Variants in BCL7A observed in about 807,000 individuals in gnomAD.
BCL7A encodes the protein B-cell CLL/lymphoma 7 protein family member A.
A neutral mutation model predicts 28.4 loss-of-function variants in BCL7A; 11 were observed. The ratio of observed to expected loss-of-function variants is 0.39; its 90% CI spans 0.24 to 0.64. BCL7A has a LOEUF of 0.64. Ranked by LOEUF, BCL7A falls within the 30% of genes least tolerant of loss-of-function variation. The pLI is 0.50. For synonymous variants in BCL7A, 123 were observed against 103.3 expected, an observed-to-expected ratio of 1.19 and a Z score of -1.15; for missense variants, 222 against 274.8, an observed-to-expected ratio of 0.81 and a Z score of 1.36.
intron 4 of BCL7A, among the ~76,000 whole-genome samples, chr12:122,048,885 G>A (rs1223576185): frequency 6.6e-6 from 1 of 151,722 alleles, no homozygotes; most frequent in Non-Finnish European, 1.5e-5. Context: ...GCTGGGTGTG[G>A]TGGCGAGCAC....
Position 122,061,818 on chromosome 12 carries a change from T to C in BCL7A, c.*2655T>C, listed in dbSNP as rs1951925929. The stretch of plus-strand genomic sequence containing the variant: ...TTCCTCTAGGGTGGTGACCTCCCAT[T>C]AGCAAACGGTGTCATGGTTTGGAAT... On this transcript the variant is annotated 3_prime_UTR_variant, in exon 6 of 6. Coordinates refer to ENST00000261822, the MANE Select transcript of BCL7A (RefSeq NM_001024808.3). 4.4e-6 allele frequency: 1 copy of C among 227,166 alleles called. No individual in the cohort carries two copies. The highest frequency in any genetic ancestry group is 8.8e-6 in the Non-Finnish European group (1 of 113,960). 14.1% of individuals were successfully genotyped at this position (227,166 alleles called of 1,614,324 possible).
intron 1 of BCL7A, among the ~76,000 whole-genome samples, chr12:122,022,489 C>T (rs1883486990): frequency 6.9e-6 from 1 of 144,870 alleles, no homozygotes; most frequent in Non-Finnish European, 1.5e-5. Flanking sequence ...CCGCGGCGCT[C>T]GGCTCCCGGG....
rs1272982147 is a variant in BCL7A, at chr12:122,022,029, G to A, written c.-63G>A. The A allele has an allele frequency of 9.7e-6, 14 of 1,441,914 alleles. No homozygotes were observed. The African/African-American group carries it at 1.3e-4, about 14-fold the overall frequency. 89.3% of individuals were successfully genotyped at this position (1,441,914 alleles called of 1,614,324 possible). On this transcript the variant is annotated 5_prime_UTR_variant, in exon 1 of 6. Coordinates refer to ENST00000261822, the MANE Select transcript of BCL7A (RefSeq NM_001024808.3). The stretch of plus-strand genomic sequence containing the variant: ...GCGGCGGGCGGGCGCGAGTGTGGCC[G>A]CCGCGGAGCGCGAGCAGGACCCGGC...
chr12:122,037,183 C>T (rs140570210), intron 3 of BCL7A, among the ~76,000 whole-genome samples: 2 of 152,320 alleles, frequency 1.3e-5, no homozygotes, highest in East Asian at 1.9e-4. Context: ...TGTGGCGCCT[C>T]CAGGCCCACC....
intron 3 of BCL7A, among the ~76,000 whole-genome samples, chr12:122,040,518 T>G: frequency 1.5e-5 from 2 of 132,000 alleles, no homozygotes; most frequent in African/African-American, 2.9e-5. Flanking sequence ...GGCAAGAGAG[T>G]GAGGCCGTGT....
At chr12:122,052,867 TCGGG>T (rs796318869) in intron 4 of BCL7A, among the ~76,000 whole-genome samples, 4,416 of 66,970 alleles carry the variant, frequency 0.066, 342 homozygotes, top group African/African-American at 0.16. Flanking sequence ...ATTTTTTTAG[TCGGG>T]GGGGGGGGGG....
intron 4 of BCL7A, among the ~76,000 whole-genome samples, chr12:122,050,108 C>T (rs1976859): frequency 0.51 from 77,186 of 152,028 alleles, 20,054 homozygotes; most frequent in African/African-American, 0.62. Context: ...TCACGAGTAG[C>T]TGGGACTACA....
At chr12:122,025,312 T>G (rs1883596857) in intron 1 of BCL7A, among the ~76,000 whole-genome samples, 1 of 148,078 alleles carries the variant, frequency 6.8e-6, no homozygotes, top group African/African-American at 2.5e-5. Flanking sequence ...AGCCTGGGTC[T>G]CAAACCAAAA....
At chr12:122,031,532 T>A (rs1883745369) in intron 2 of BCL7A, among the ~76,000 whole-genome samples, 1 of 152,224 alleles carries the variant, frequency 6.6e-6, no homozygotes, top group Non-Finnish European at 1.5e-5. Context: ...GGAGTTGATC[T>A]TTTTAACCTC....
intron 3 of BCL7A, among the ~76,000 whole-genome samples, chr12:122,039,152 C>G (rs1883916325): frequency 6.6e-6 from 1 of 151,566 alleles, no homozygotes; most frequent in Non-Finnish European, 1.5e-5. Flanking sequence ...AAAAAATTAG[C>G]CAGGCGTGGT....
rs1189437658 is a variant in BCL7A, at chr12:122,044,067, G to A, written c.439+14G>A. 1 of 1,605,490 alleles carries A rather than the reference G, an allele frequency of 6.2e-7. No individual in the cohort carries two copies. On this transcript the variant is annotated intron_variant, in intron 4 of 5. Coordinates refer to ENST00000261822, the MANE Select transcript of BCL7A (RefSeq NM_001024808.3). ...CAGGAGCTGAAGGTATGTGGCCTCT[G>A]GAGGTGGGGCTCTGACGGCCTCCCT...
In BCL7A at chr12:122,021,944, GT is replaced by G; in HGVS notation, c.-147del. ...TGTGTGTGTGTATGTGTGTGTGTGTGTGTGTGTGTGTGTGAGTGTGTGCGTG... is the reference window on the plus strand; with the variant it reads ...TGTGTGTGTGTATGTGTGTGTGTGTGGTGTGTGTGTGTGAGTGTGTGCGTG... On this transcript the variant is annotated 5_prime_UTR_variant, in exon 1 of 6. An upstream open reading frame in the 5' UTR loses its in-frame stop. Transcript: ENST00000261822. 1.7e-6 allele frequency: 1 copy of G among 584,274 alleles called. No homozygotes were observed. Among genetic ancestry groups the G allele is most frequent in the Non-Finnish European group, 3.0e-6 (1 of 328,402 alleles). The allele number at this position is 584,274 out of a possible 1,614,324, so 36.2% of individuals were successfully genotyped here. A position where few individuals can be genotyped will look rare whatever the true frequency, so the allele number is the denominator to read the frequency against.
At chr12:122,022,527 C>G (rs1593019339) in intron 1 of BCL7A, among the ~76,000 whole-genome samples, 3 of 142,468 alleles carry the variant, frequency 2.1e-5, no homozygotes, top group African/African-American at 5.0e-5. Context: ...GCCCCAGAAG[C>G]CATTTCGTTT....
chr12:122,048,121 T>C (rs2135855458), intron 4 of BCL7A, among the ~76,000 whole-genome samples: 2 of 152,228 alleles, frequency 1.3e-5, no homozygotes, highest in Non-Finnish European at 2.9e-5. Flanking sequence ...CAGGCTGGTC[T>C]TGAACTCCCA....
At chr12:122,027,932 A>G (rs1227441876) in intron 1 of BCL7A, among the ~76,000 whole-genome samples, 1 of 152,138 alleles carries the variant, frequency 6.6e-6, no homozygotes, top group Admixed American at 6.5e-5. Flanking sequence ...GGGGAGGGGT[A>G]TGTGTTCTGT....
intron 4 of BCL7A, among the ~76,000 whole-genome samples, chr12:122,048,018 C>G (rs1447933228): frequency 6.6e-6 from 1 of 151,576 alleles, no homozygotes; most frequent in African/African-American, 2.4e-5. Context: ...ATTCTCCTGC[C>G]TCAGCCTCCA....
intron 3 of BCL7A, among the ~76,000 whole-genome samples, chr12:122,043,665 G>A (rs911874814): frequency 6.6e-5 from 10 of 151,770 alleles, no homozygotes; most frequent in South Asian, 6.3e-4. Context: ...CCAGCTACTC[G>A]GGAGGTGGAG....
At chr12:122,023,209 T>C in intron 1 of BCL7A, among the ~76,000 whole-genome samples, 1 of 152,300 alleles carries the variant, frequency 6.6e-6, no homozygotes, top group Admixed American at 6.5e-5. Flanking sequence ...GGGTCAGAGT[T>C]GTTGAAAACT....
intron 4 of BCL7A, among the ~76,000 whole-genome samples, chr12:122,051,637 A>AGCGTGAG (rs1028462587): frequency 1.3e-5 from 2 of 152,090 alleles, no homozygotes; most frequent in African/African-American, 4.8e-5. Context: ...AGCACGGGTC[A>AGCGTGAG]GCGTGAGTCT....
Sources: allele counts gnomAD v4.1 joint callset (sites outside exome capture counted in the v4.1 genomes callset), GRCh38; gene constraint gnomAD v4.1.1; transcripts MANE v1.5; gene names NCBI Gene and HGNC (gene_info 2026-07-23, HGNC 2026-07-21).